SAP30BP: variants seen among roughly 807,000 people sequenced by gnomAD.
SAP30BP encodes the protein SAP30-binding protein.
A neutral mutation model predicts 46.3 loss-of-function variants in SAP30BP; 31 were observed. The ratio of observed to expected loss-of-function variants is 0.67; its 90% CI spans 0.50 to 0.90. SAP30BP has a LOEUF of 0.90. Among genes scored for constraint, SAP30BP ranks in the 40% least tolerant of loss-of-function variants. The pLI, the probability that SAP30BP is intolerant of heterozygous loss-of-function variation, is 0.00. For missense variants in SAP30BP, 312 were observed against 391.0 expected, an observed-to-expected ratio of 0.80 and a Z score of 1.70; for synonymous variants, 169 against 144.2, an observed-to-expected ratio of 1.17 and a Z score of -1.23.
intron 2 of SAP30BP, among the ~76,000 whole-genome samples, chr17:75,670,566 ATTTGC>A (rs1271088094): frequency 4.6e-5 from 7 of 152,140 alleles, no homozygotes; most frequent in Non-Finnish European, 1.0e-4. Context: ...GTTATTTCAT[ATTTGC>A]TTTGCTTAGA....
intron 7 of SAP30BP, 161 bp downstream of exon 7, chr17:75,703,532 T>C (rs2060447140): frequency 1.5e-6 from 1 of 680,006 alleles, no homozygotes; most frequent in Middle Eastern, 4.0e-4. Flanking sequence ...TGTTCTGAAA[T>C]AGTCCAATAA....
chr17:75,676,762 C>T (rs1037734341), intron 3 of SAP30BP, among the ~76,000 whole-genome samples: 3 of 152,176 alleles, frequency 2.0e-5, no homozygotes, highest in African/African-American at 7.2e-5. Context: ...AGTTCACATT[C>T]GCATAGCTTT....
chr17:75,667,883 C>T (rs2059825029), intron 1 of SAP30BP, among the ~76,000 whole-genome samples: 1 of 152,230 alleles, frequency 6.6e-6, no homozygotes, highest in African/African-American at 2.4e-5. Context: ...GCCCTAAACA[C>T]ATCTTGGAGC....
chr17:75,702,253 G>A (rs2060423145), intron 5 of SAP30BP, among the ~76,000 whole-genome samples: 3 of 152,108 alleles, frequency 2.0e-5, no homozygotes, highest in Non-Finnish European at 4.4e-5. Flanking sequence ...CTCAATCTCT[G>A]GACCTCGTGA....
At chr17:75,675,983 A>G (rs556142932) in intron 3 of SAP30BP, among the ~76,000 whole-genome samples, 1 of 152,354 alleles carries the variant, frequency 6.6e-6, no homozygotes, top group South Asian at 2.1e-4. Flanking sequence ...TTTCCAAAAA[A>G]ATGTTAATGC....
intron 3 of SAP30BP, chr17:75,672,204 C>T (rs1305602123): frequency 3.4e-6 from 1 of 294,024 alleles, no homozygotes; most frequent in Non-Finnish European, 6.7e-6. Context: ...GTTTCTAGAC[C>T]CAGGAAGGTG....
At chr17:75,678,730 G>A (rs115491674) in intron 3 of SAP30BP, among the ~76,000 whole-genome samples, 2,365 of 152,178 alleles carry the variant, frequency 0.016, 63 homozygotes, top group African/African-American at 0.053. Flanking sequence ...ATAAAGGTGA[G>A]GGGACTCAAA....
chr17:75,704,709 G>C (rs1599176160), intron 8 of SAP30BP, 47 bp from the exon 9 acceptor site: 1 of 1,433,518 alleles, frequency 7.0e-7, no homozygotes, highest in East Asian at 2.3e-5. Context: ...CCTCAGCCCA[G>C]AGCTGCTCGG....
At chr17:75,667,502 A>G (rs751861829) in intron 1 of SAP30BP, 24 bp downstream of exon 1, 14 of 1,608,008 alleles carry the variant, frequency 8.7e-6, no homozygotes, top group Non-Finnish European at 1.2e-5. Context: ...GCGAAGCTGG[A>G]AGGGGGAATC....
At chr17:75,681,769 C>T (rs2060079557) in intron 3 of SAP30BP, among the ~76,000 whole-genome samples, 1 of 152,182 alleles carries the variant, frequency 6.6e-6, no homozygotes, top group Admixed American at 6.5e-5. Flanking sequence ...GGTATATTCG[C>T]TGCCCTTCCA....
At position 75,692,182 on chromosome 17, in the gene SAP30BP, C is replaced by T. The variant is rs764717514; in HGVS notation, c.265-1258C>T. 5.3e-4 allele frequency: 518 copies of T among 977,562 alleles called. 1 individual carries two copies. Among genetic ancestry groups the T allele is most frequent in the Non-Finnish European group, 6.1e-4 (502 of 822,756 alleles). 60.6% of individuals were successfully genotyped at this position (977,562 alleles called of 1,614,324 possible). A position where few individuals can be genotyped will look rare whatever the true frequency, so the allele number is the denominator to read the frequency against. ...GAATGGGGAATTTGGCCTGTCCCAG[C>T]ATCAGGAGGGACTTTCTGGAAAGGG... is the stretch of plus-strand genomic sequence containing the variant. On this transcript the variant is annotated intron_variant, in intron 3 of 10. Coordinates refer to ENST00000584667, the MANE Select transcript of SAP30BP (RefSeq NM_013260.8).
chr17:75,697,540 C>T (rs1391489480), intron 4 of SAP30BP, among the ~76,000 whole-genome samples: 1 of 152,184 alleles, frequency 6.6e-6, no homozygotes, highest in Non-Finnish European at 1.5e-5. Flanking sequence ...GCATCTGGGG[C>T]CCACAGCAGG....
rs376406192 is a variant in SAP30BP at position 75,703,294 on chromosome 17, C to T, written c.489-17C>T. 7.4e-6 allele frequency: 12 copies of T among 1,613,300 alleles called. No homozygotes were observed. Among genetic ancestry groups the T allele is most frequent in the Non-Finnish European group, 9.3e-6 (11 of 1,179,310 alleles). On this transcript the variant is annotated splice_polypyrimidine_tract_variant and intron_variant, in intron 6 of 10. Transcript: ENST00000584667. ...ACGTGGACTTGTGCCTGCTCAGCGCCGGCACTGTTCTTTCAGCATCTACGA... is the reference window on the plus strand; with the variant it reads ...ACGTGGACTTGTGCCTGCTCAGCGCTGGCACTGTTCTTTCAGCATCTACGA...
In SAP30BP at chr17:75,699,821, G is replaced by C. The variant is rs758612158; in HGVS notation, c.346G>C (p.Glu116Gln). ...AAGAGTTCGGAACATGTCGCCTGAT[G>C]AAATCAAGATCCCGCCAGAACCCCC... is the stretch of plus-strand genomic sequence containing the variant. ...SERVRNMSPD[E>Q]IKIPPEPPGR... is the part of the protein sequence containing the mutation. The change falls in exon 5 of 11, where the codon GAA becomes CAA. Residue 116 changes from glutamate to glutamine, a missense_variant. Physicochemically the swap from Glu to Gln is conservative, Grantham distance 29. Transcript: ENST00000584667. 1 of 1,613,598 alleles carries C rather than the reference G, an allele frequency of 6.2e-7. No homozygotes were observed. The highest frequency in any genetic ancestry group is 1.7e-5 in the Admixed American group (1 of 60,004).
rs2060511468 is a variant in SAP30BP at position 75,707,268 on chromosome 17, T to A, written c.*747T>A. 1 of 148,754 alleles carries A rather than the reference T, an allele frequency of 6.7e-6. No individual in the cohort carries two copies. Among genetic ancestry groups the A allele is most frequent in the South Asian group, 2.1e-4 (1 of 4,826 alleles). The allele number at this position is 148,754 out of a possible 1,614,324, so 9.2% of individuals were successfully genotyped here. A position where few individuals can be genotyped will look rare whatever the true frequency, so the allele number is the denominator to read the frequency against. On this transcript the variant is annotated 3_prime_UTR_variant, in exon 11 of 11. Coordinates refer to ENST00000584667, the MANE Select transcript of SAP30BP (RefSeq NM_013260.8). ...TGAGCAGCGGGGGAGATGAATCACC[T>A]CCTGCCTTGGCGAGGCGGCAGCTCA...
At chr17:75,700,888 C>A (rs2060399681) in intron 5 of SAP30BP, among the ~76,000 whole-genome samples, 1 of 152,228 alleles carries the variant, frequency 6.6e-6, no homozygotes, top group African/African-American at 2.4e-5. Context: ...GAAACCATGA[C>A]ATTCGAGCAA....
intron 3 of SAP30BP, among the ~76,000 whole-genome samples, chr17:75,678,113 G>A (rs1044162159): frequency 6.6e-6 from 1 of 152,054 alleles, no homozygotes; most frequent in Non-Finnish European, 1.5e-5. Context: ...TCTGGAATGA[G>A]ACTGGGGTTT....
At chr17:75,699,761 T>C (rs905841297) in intron 4 of SAP30BP, 22 bp from the exon 5 acceptor site, 3 of 1,586,458 alleles carry the variant, frequency 1.9e-6, no homozygotes, top group Non-Finnish European at 2.6e-6. Flanking sequence ...ACCTACAGAA[T>C]TTTTCCTTCT....
chr17:75,699,862 T>A lies in SAP30BP; in HGVS notation c.387T>A (p.Asn129Lys), dbSNP rs1417419719. Residue 129 changes from asparagine (N) to lysine (K), a missense_variant, in exon 5 of 11, where the codon AAT becomes AAA. Physicochemically the swap from Asn to Lys is moderately conservative, Grantham distance 94. This residue lies in a region of SAP30BP where 296 missense variants were observed against 346.6 expected (regional missense o/e 0.85). Transcript: ENST00000584667. ...IPPEPPGRCS[N>K]HLQDKIQKLY... is the part of the protein sequence containing the mutation. Reference sequence around the variant, plus strand: ...CAGAACCCCCTGGCAGATGTTCAAATCACTTGCAAGTAAGCATGAGACTCG... The same window carrying A: ...CAGAACCCCCTGGCAGATGTTCAAAACACTTGCAAGTAAGCATGAGACTCG... The A allele has an allele frequency of 1.9e-6, 3 of 1,612,218 alleles. No individual in the cohort carries two copies. The highest frequency in any genetic ancestry group is 2.5e-6 in the Non-Finnish European group (3 of 1,178,366).
Sources: allele counts gnomAD v4.1 joint callset (sites outside exome capture counted in the v4.1 genomes callset), GRCh38; gene constraint gnomAD v4.1.1; regional missense constraint gnomAD v4.1.1; transcripts MANE v1.5; gene names NCBI Gene and HGNC (gene_info 2026-07-23, HGNC 2026-07-21).